Variants in APBA2 observed in about 807,000 individuals in gnomAD.
APBA2 encodes the protein amyloid-beta A4 precursor protein-binding family A member 2.
A neutral mutation model predicts 75.0 loss-of-function variants in APBA2; 30 were observed. The ratio of observed to expected loss-of-function variants is 0.40; its 90% CI spans 0.30 to 0.54. The LOEUF is 0.54. Among genes scored for constraint, APBA2 ranks in the 20% least tolerant of loss-of-function variants. The pLI, the probability that APBA2 is intolerant of heterozygous loss-of-function variation, is 0.49. For synonymous variants in APBA2, 444 were observed against 409.6 expected (o/e 1.08, Z -1.01); for missense variants, 801 against 1,016.1 (o/e 0.79, Z 2.88).
At chr15:29,079,845 G>C (rs1424792206) in intron 6 of APBA2, among the ~76,000 whole-genome samples, 1 of 152,200 alleles carries the variant, frequency 6.6e-6, no homozygotes, top group Non-Finnish European at 1.5e-5. Context: ...TAGTAACAAT[G>C]CACATGATAC....
chr15:28,947,354 G>A (rs2035605202), intron 2 of APBA2, among the ~76,000 whole-genome samples: 1 of 152,198 alleles, frequency 6.6e-6, no homozygotes, highest in Non-Finnish European at 1.5e-5. Flanking sequence ...CGTCCTCGTG[G>A]GCGTGGCCTG....
chr15:29,038,665 ATTTT>A (rs67217686), intron 3 of APBA2, among the ~76,000 whole-genome samples: 1 of 105,462 alleles, frequency 9.5e-6, no homozygotes, highest in Non-Finnish European at 1.8e-5. Flanking sequence ...ATATGCAGGC[ATTTT>A]TTTTTTTTTT....
At chr15:29,000,973 G>C (rs1024112315) in intron 3 of APBA2, among the ~76,000 whole-genome samples, 1 of 152,140 alleles carries the variant, frequency 6.6e-6, no homozygotes, top group South Asian at 2.1e-4. Flanking sequence ...GGCCCTGCCT[G>C]TGTGGCTGAT....
intron 4 of APBA2, among the ~76,000 whole-genome samples, chr15:29,057,078 T>G (rs1461733734): frequency 6.6e-6 from 1 of 152,152 alleles, no homozygotes; most frequent in African/African-American, 2.4e-5. Context: ...TGTCCCATGC[T>G]CACCTCTCTG....
intron 1 of APBA2, among the ~76,000 whole-genome samples, chr15:28,892,577 T>C (rs1275191123): frequency 3.3e-5 from 5 of 151,658 alleles, no homozygotes; most frequent in South Asian, 4.2e-4. Flanking sequence ...ATGATGAAAT[T>C]GCCTAATGAC....
chr15:29,084,856 T>G (rs2043220146), intron 6 of APBA2, among the ~76,000 whole-genome samples: 1 of 152,248 alleles, frequency 6.6e-6, no homozygotes. Flanking sequence ...CTTCATGGTG[T>G]TGTTTAATGT....
chr15:28,923,883 G>A (rs949016157), intron 2 of APBA2, among the ~76,000 whole-genome samples: 1 of 152,196 alleles, frequency 6.6e-6, no homozygotes, highest in African/African-American at 2.4e-5. Flanking sequence ...CCGCCCCCCC[G>A]GGGCTCCTCA....
At chr15:28,931,343 G>A (rs2034553515) in intron 2 of APBA2, among the ~76,000 whole-genome samples, 1 of 152,184 alleles carries the variant, frequency 6.6e-6, no homozygotes, top group Non-Finnish European at 1.5e-5. Context: ...GATCTTAGCG[G>A]GGGCCTGGGA....
At chr15:29,095,225 C>T (rs953585298) in intron 8 of APBA2, among the ~76,000 whole-genome samples, 19 of 152,082 alleles carry the variant, frequency 1.2e-4, no homozygotes, top group Non-Finnish European at 2.2e-4. Flanking sequence ...GTCGGGAGTT[C>T]GAGATTAGCC....
At chr15:29,107,538 G>C (rs1485142304) in intron 12 of APBA2, among the ~76,000 whole-genome samples, 1 of 152,190 alleles carries the variant, frequency 6.6e-6, no homozygotes, top group African/African-American at 2.4e-5. Context: ...GAGAGATGAA[G>C]GGCATTCCCC....
At chr15:28,994,012 C>T (rs1351058048) in intron 2 of APBA2, among the ~76,000 whole-genome samples, 1 of 152,192 alleles carries the variant, frequency 6.6e-6, no homozygotes, top group Non-Finnish European at 1.5e-5. Context: ...GAACTGAGGC[C>T]GCATTGCTGG....
intron 2 of APBA2, among the ~76,000 whole-genome samples, chr15:28,939,169 G>A (rs180691774): frequency 2.6e-5 from 4 of 152,300 alleles, no homozygotes; most frequent in African/African-American, 4.8e-5. Flanking sequence ...GGTCCTGCAC[G>A]TTGTGGCATG....
rs57671107 is a variant in APBA2 at position 29,055,668 on chromosome 15, A to AGTGTGT, written c.951+872_951+877dup. ...TTTCCGAGAAGAGTTCATGAATTTG[A>AGTGTGT]GTGTGTGTGTGTGTGTGTGTGTGTG... On this transcript the variant is annotated intron_variant, in intron 4 of 14. Coordinates refer to ENST00000683413, the MANE Select transcript of APBA2 (RefSeq NM_001353788.2). Among the ~76,000 whole-genome samples, 1,166 of 127,512 alleles carry AGTGTGT rather than the reference A, an allele frequency of 9.1e-3. 12 individuals carry two copies. The highest frequency in any genetic ancestry group is 0.027 in the East Asian group (112 of 4,186). The allele number at this position is 127,512 out of a possible 152,430, so 83.7% of individuals were successfully genotyped here.
At chr15:28,973,066 CAT>C (rs2152755191) in intron 2 of APBA2, among the ~76,000 whole-genome samples, 1 of 152,350 alleles carries the variant, frequency 6.6e-6, no homozygotes, top group South Asian at 2.1e-4. Flanking sequence ...GACTGAGGCA[CAT>C]GTGTTTATTT....
rs550980884 is a variant in APBA2, at chr15:29,051,117, C to T, written c.-40-2728C>T. Among the ~76,000 whole-genome samples the T allele has an allele frequency of 4.6e-5, 7 of 152,336 alleles. No individual in the cohort carries two copies. The South Asian group carries it at 1.2e-3, about 27-fold the overall frequency. ...AAGTCCCTGACATCACTCCTGCAGC[C>T]TCTCTCTTGTGGCTGGCTGTCCTCT... On this transcript the variant is annotated intron_variant, in intron 3 of 14. Transcript: ENST00000683413.
chr15:28,985,348 G>A (rs2152773984), intron 2 of APBA2, among the ~76,000 whole-genome samples: 1 of 152,302 alleles, frequency 6.6e-6, no homozygotes, highest in South Asian at 2.1e-4. Context: ...ACCAGCCAGA[G>A]GGCAGTGAAT....
intron 2 of APBA2, among the ~76,000 whole-genome samples, chr15:28,980,850 G>T (rs2037584068): frequency 6.6e-6 from 1 of 152,194 alleles, no homozygotes; most frequent in Non-Finnish European, 1.5e-5. Flanking sequence ...ACACAGAGCA[G>T]TGGAACCGAG....
chr15:29,106,965 G>A (rs2044447705), intron 12 of APBA2, 146 bp downstream of exon 12: 3 of 737,332 alleles, frequency 4.1e-6, no homozygotes, highest in Admixed American at 2.3e-5. Context: ...GTGACTGGTC[G>A]ATGATGGTAT....
At chr15:28,975,780 AT>A (rs2037303598) in intron 2 of APBA2, among the ~76,000 whole-genome samples, 1 of 152,268 alleles carries the variant, frequency 6.6e-6, no homozygotes, top group African/African-American at 2.4e-5. Flanking sequence ...CAAAATATAG[AT>A]TATAACAAGA....
Sources: allele counts gnomAD v4.1 joint callset (sites outside exome capture counted in the v4.1 genomes callset), GRCh38; gene constraint gnomAD v4.1.1; transcripts MANE v1.5; gene names NCBI Gene and HGNC (gene_info 2026-07-23, HGNC 2026-07-21).